Variants in SEZ6L2 observed in about 807,000 individuals in gnomAD.
The protein encoded by SEZ6L2 is seizure related 6 homolog like 2.
In SEZ6L2, 44 loss-of-function variants were observed where a neutral mutation model predicts 97.0. That is an observed-to-expected ratio of 0.45 (90% CI 0.36 to 0.58). The LOEUF (loss-of-function observed/expected upper bound fraction) is 0.58. Ranked by LOEUF, SEZ6L2 falls within the 20% of genes least tolerant of loss-of-function variation. The probability of loss-of-function intolerance (pLI) is 0.00; values close to 1 mark genes in which losing one functional copy is unlikely to be tolerated. For synonymous variants in SEZ6L2, 543 were observed against 546.1 expected (o/e 0.99, Z 0.08); for missense variants, 1,086 against 1,233.3 (o/e 0.88, Z 1.79).
Position 29,871,724 on chromosome 16 carries a change from G to C in SEZ6L2, c.2747C>G (p.Thr916Arg). 1 of 1,608,238 alleles carries C rather than the reference G, an allele frequency of 6.2e-7. No individual in the cohort carries two copies. The highest frequency in any genetic ancestry group is 2.2e-5 in the East Asian group (1 of 44,712). The change falls in exon 18 of 18, where the codon ACG becomes AGG. Residue 916 changes from threonine (T) to arginine (R), a missense_variant. Thr to Arg is a moderately conservative substitution (Grantham distance 71, BLOSUM62 -1). Around this residue, in one of 2 missense-constraint regions of SEZ6L2, gnomAD observed 310 missense variants for 438.6 expected, o/e 0.71. Coordinates refer to ENST00000617533, the MANE Select transcript of SEZ6L2 (RefSeq NM_001243332.2). ...TCAGATGGAAACTTCATACTCCCGC[G>C]TATCCTGAAGACAGAGAGATCAGGT... ...FSNPLYEAGD[T>R]REYEVSI
rs188975721 is a variant in SEZ6L2, at chr16:29,892,212, C to G, written c.853+3047G>C. Among the ~76,000 whole-genome samples the G allele has an allele frequency of 3.9e-5, 6 of 152,330 alleles. No homozygotes were observed. The East Asian group carries it at 1.2e-3, about 29-fold the overall frequency. On this transcript the variant is annotated intron_variant, in intron 5 of 17. Transcript: ENST00000617533. ...TAATGAGGCCACTCTGGACCAGAGG[C>G]CCCAGCTAGTGCAGGTTGGGAAGGG...
chr16:29,876,943 C>T lies in SEZ6L2; in HGVS notation c.1917G>A (p.Pro639=), dbSNP rs1283159869. Residue 639 remains proline, a synonymous_variant, in exon 12 of 18, where the codon CCG becomes CCA. Coordinates refer to ENST00000617533, the MANE Select transcript of SEZ6L2 (RefSeq NM_001243332.2). The surrounding 1 kb of genome is among the most constrained non-coding windows in gnomAD (Gnocchi z 6.5). ...QGFVLHFKEV[P]RNDTCPELPP... ...GCAGCTCGGGGCACGTGTCGTTCCT[C>T]GGGACCTCTGCAGGGGAGGGAAGGC... The T allele has an allele frequency of 3.1e-6, 5 of 1,605,480 alleles. No individual in the cohort carries two copies. Among genetic ancestry groups the T allele is most frequent in the East Asian group, 4.5e-5 (2 of 44,622 alleles).
rs1254774130 is a variant in SEZ6L2, at chr16:29,876,585, G to A, written c.2104+171C>T. ...AGAGGGGACAGTTTCGGGGAACCGG[G>A]CGGAGGAGTGAGAACTAAAGGGCAT... On this transcript the variant is annotated intron_variant, in intron 12 of 17. Transcript: ENST00000617533. The surrounding 1 kb of genome is among the most constrained non-coding windows in gnomAD (Gnocchi z 6.5). Among the ~76,000 whole-genome samples the A allele has an allele frequency of 6.6e-6, 1 of 152,120 alleles. No homozygotes were observed. Among genetic ancestry groups the A allele is most frequent in the Non-Finnish European group, 1.5e-5 (1 of 68,030 alleles).
Position 29,895,817 on chromosome 16 carries a change from C to T in SEZ6L2, c.555G>A (p.Glu185=). ...NNISEGEGYV[E]SPDLGSPVSR... ...TGACGGGGCTCCCCAGATCTGGAGACTCCACATACCCTTCGCCCTCGGAGA... is the reference window on the plus strand; with the variant it reads ...TGACGGGGCTCCCCAGATCTGGAGATTCCACATACCCTTCGCCCTCGGAGA... The change falls in exon 4 of 18, where the codon GAG becomes GAA. Residue 185 remains glutamate (E), a synonymous_variant. Coordinates refer to ENST00000617533, the MANE Select transcript of SEZ6L2 (RefSeq NM_001243332.2). 1.2e-6 allele frequency: 2 copies of T among 1,614,052 alleles called. No homozygotes were observed. Among genetic ancestry groups the T allele is most frequent in the Non-Finnish European group, 1.7e-6 (2 of 1,179,984 alleles).
In SEZ6L2 at chr16:29,885,738, C is replaced by T. The variant is rs746757256; in HGVS notation, c.1220G>A (p.Arg407His). The T allele has an allele frequency of 2.5e-6, 4 of 1,609,916 alleles. No individual in the cohort carries two copies. The highest frequency in any genetic ancestry group is 2.2e-5 in the South Asian group (2 of 90,910). The change falls in exon 8 of 18, where the codon CGC becomes CAC. Residue 407 changes from arginine (R) to histidine (H), a missense_variant. Physicochemically the swap from Arg to His is conservative, Grantham distance 29. Coordinates refer to ENST00000617533, the MANE Select transcript of SEZ6L2 (RefSeq NM_001243332.2). The part of the protein sequence containing the change: ...LDEDNDRLMV[R>H]SGGSPLSPVI... ...GGGGGATAGGGGGCTGCCCCCTGAG[C>T]GCACCATCAGCCTGGGATGGACAGA... is the stretch of plus-strand genomic sequence containing the variant.
rs367642115 is a variant in SEZ6L2, at chr16:29,896,946, G to T, written c.387C>A (p.Thr129=). The change falls in exon 3 of 18, where the codon ACC becomes ACA. Residue 129 remains threonine (T), a synonymous_variant. Coordinates refer to ENST00000617533, the MANE Select transcript of SEZ6L2 (RefSeq NM_001243332.2). ...APELLTPPPG[T]TAPPPPSPAS... The stretch of plus-strand genomic sequence containing the variant: ...CAGGGCTGGGTGGGGGTGGGGCTGT[G>T]GTTCCTGGGGGCGGGGTCAGCAGTT... 240 of 1,603,098 alleles carry T rather than the reference G, an allele frequency of 1.5e-4. No homozygotes were observed. Among genetic ancestry groups the T allele is most frequent in the Non-Finnish European group, 1.9e-4 (229 of 1,175,964 alleles).
chr16:29,875,058 A>G (rs1284400604), intron 12 of SEZ6L2, among the ~76,000 whole-genome samples: 3 of 152,012 alleles, frequency 2.0e-5, no homozygotes, highest in Non-Finnish European at 4.4e-5. Flanking sequence ...TATTATTTGT[A>G]GAGACAGGGT....
intron 17 of SEZ6L2, 25 bp downstream of exon 17, chr16:29,872,162 C>A (rs755586134): frequency 6.4e-7 from 1 of 1,554,134 alleles, no homozygotes; most frequent in Non-Finnish European, 8.7e-7. Context: ...AGTGGTGGCT[C>A]TTCAGGGGCA....
At chr16:29,880,452 T>A (rs2068007731) in intron 8 of SEZ6L2, among the ~76,000 whole-genome samples, 1 of 152,024 alleles carries the variant, frequency 6.6e-6, no homozygotes, top group Non-Finnish European at 1.5e-5. Context: ...CCTGAGTAGC[T>A]GGGATTATAG....
At chr16:29,888,007 G>C (rs1567421562) in intron 6 of SEZ6L2, among the ~76,000 whole-genome samples, 190 bp from the exon 7 acceptor site, 1 of 152,212 alleles carries the variant, frequency 6.6e-6, no homozygotes, top group Non-Finnish European at 1.5e-5. Flanking sequence ...AAAGAAACCA[G>C]CCCCGGTACG....
At position 29,885,506 on chromosome 16, in the gene SEZ6L2, T is replaced by C. The variant is rs530824787; in HGVS notation, c.1372+80A>G. The C allele has an allele frequency of 5.5e-6, 8 of 1,463,990 alleles. No homozygotes were observed. In the Admixed American group the frequency reaches 1.4e-4, roughly 26 times the overall value. 90.7% of individuals were successfully genotyped at this position (1,463,990 alleles called of 1,614,324 possible). The stretch of plus-strand genomic sequence containing the variant: ...GCACGGAGATGAACAGGCATAGAGT[T>C]TGTGCTTCCGACTATGCTTGGTGTC... On this transcript the variant is annotated intron_variant, in intron 8 of 17. Transcript: ENST00000617533.
rs748935910 is a variant in SEZ6L2 at position 29,872,176 on chromosome 16, A to C, written c.2742+11T>G. On this transcript the variant is annotated intron_variant, in intron 17 of 17. Coordinates refer to ENST00000617533, the MANE Select transcript of SEZ6L2 (RefSeq NM_001243332.2). ...AAGTGGTGGCTCTTCAGGGGCAGGC[A>C]AGGTGCTTACCCCAGCTTCATACAG... 5 of 1,582,084 alleles carry C rather than the reference A, an allele frequency of 3.2e-6. No homozygotes were observed. The highest frequency in any genetic ancestry group is 4.3e-6 in the Non-Finnish European group (5 of 1,163,762).
intron 5 of SEZ6L2, among the ~76,000 whole-genome samples, chr16:29,890,518 G>A (rs560192879): frequency 9.3e-4 from 141 of 152,152 alleles, no homozygotes; most frequent in Non-Finnish European, 1.7e-3. Flanking sequence ...TCCCAAGACC[G>A]ATATAGCCTA....
Position 29,899,029 on chromosome 16 carries a change from C to A in SEZ6L2, c.-10G>T. The A allele has an allele frequency of 6.2e-7, 1 of 1,603,680 alleles. No individual in the cohort carries two copies. The highest frequency in any genetic ancestry group is 8.5e-7 in the Non-Finnish European group (1 of 1,175,734). Reference sequence around the variant, plus strand: ...CCCTGGGAGTCCCCATGGCGACTCACCCCGATCTCTCTCCTCTGTGCCTCT... The same window carrying A: ...CCCTGGGAGTCCCCATGGCGACTCAACCCGATCTCTCTCCTCTGTGCCTCT... On this transcript the variant is annotated 5_prime_UTR_variant, in exon 1 of 18. Coordinates refer to ENST00000617533, the MANE Select transcript of SEZ6L2 (RefSeq NM_001243332.2).
chr16:29,882,945 A>C (rs2068059317), intron 8 of SEZ6L2, among the ~76,000 whole-genome samples: 1 of 152,170 alleles, frequency 6.6e-6, no homozygotes, highest in African/African-American at 2.4e-5. Flanking sequence ...ACAACTCTGG[A>C]GTCAGGACTC....
chr16:29,895,877 G>A lies in SEZ6L2; in HGVS notation c.512-17C>T. On this transcript the variant is annotated splice_polypyrimidine_tract_variant and intron_variant, in intron 3 of 17. Transcript: ENST00000617533. ...TACACAGAACTGAGGAGATACAAAT[G>A]GCTGGGATGGAAGGAATGCCTGTGC... 1 of 1,585,410 alleles carries A rather than the reference G, an allele frequency of 6.3e-7. No individual in the cohort carries two copies. The highest frequency in any genetic ancestry group is 8.6e-7 in the Non-Finnish European group (1 of 1,162,184).
At chr16:29,896,779 C>T (rs753217257) in intron 3 of SEZ6L2, 43 bp downstream of exon 3, 5 of 1,578,650 alleles carry the variant, frequency 3.2e-6, no homozygotes, top group South Asian at 1.1e-5. Context: ...CCAGCGTGTA[C>T]CTCTCCGGTC....
intron 7 of SEZ6L2, 70 bp from the exon 8 acceptor site, chr16:29,885,819 C>T (rs970780496): frequency 1.3e-5 from 20 of 1,487,034 alleles, no homozygotes; most frequent in Non-Finnish European, 1.8e-5. Flanking sequence ...TGCCTGCTTT[C>T]CTAACTTATT....
intron 8 of SEZ6L2, 72 bp from the exon 9 acceptor site, chr16:29,880,136 C>A (rs886969919): frequency 4.2e-6 from 6 of 1,443,104 alleles, no homozygotes; most frequent in African/African-American, 1.4e-5. Context: ...GGGATGTGGG[C>A]TGAATTGGGG....
Sources: allele counts gnomAD v4.1 joint callset (sites outside exome capture counted in the v4.1 genomes callset), GRCh38; gene constraint gnomAD v4.1.1; regional missense constraint gnomAD v4.1.1; non-coding constraint Gnocchi (gnomAD v3.1); transcripts MANE v1.5; gene names NCBI Gene and HGNC (gene_info 2026-07-23, HGNC 2026-07-21).